Variants in ZBTB38 observed in about 807,000 individuals in gnomAD.
The protein encoded by ZBTB38 is zinc finger and BTB domain-containing protein 38.
Under a neutral mutation model 76.8 loss-of-function variants are expected in ZBTB38, and 20 were observed. That is an observed-to-expected ratio of 0.26 (90% CI 0.18 to 0.38). The LOEUF (loss-of-function observed/expected upper bound fraction) is 0.38. Among genes scored for constraint, ZBTB38 ranks in the 10% least tolerant of loss-of-function variants. The pLI, the probability that ZBTB38 is intolerant of heterozygous loss-of-function variation, is 1.00. For synonymous variants in ZBTB38, 504 were observed against 544.2 expected, an observed-to-expected ratio of 0.93 and a Z score of 1.03; for missense variants, 1,082 against 1,482.3, an observed-to-expected ratio of 0.73 and a Z score of 4.43.
In ZBTB38 at chr3:141,446,026, G is replaced by A. The variant is rs371260887; in HGVS notation, c.*50G>A. On this transcript the variant is annotated 3_prime_UTR_variant, in exon 6 of 6. Transcript: ENST00000321464. Reference sequence around the variant, plus strand: ...AAAAATATAGTTGGTGGTTTTTTTAGTTATGATTTAAGTTTAGTTTCATTT... The same window carrying A: ...AAAAATATAGTTGGTGGTTTTTTTAATTATGATTTAAGTTTAGTTTCATTT... 1 of 1,450,942 alleles carries A rather than the reference G, an allele frequency of 6.9e-7. No individual in the cohort carries two copies. The highest frequency in any genetic ancestry group is 1.4e-5 in the African/African-American group (1 of 70,138). The allele number at this position is 1,450,942 out of a possible 1,614,324, so 89.9% of individuals were successfully genotyped here.
At chr3:141,414,941 A>G (rs532712096) in intron 5 of ZBTB38, among the ~76,000 whole-genome samples, 24 of 151,736 alleles carry the variant, frequency 1.6e-4, no homozygotes, top group Non-Finnish European at 2.4e-4. Flanking sequence ...TCTTTTCTGC[A>G]TATCTTTTAA....
Position 141,442,922 on chromosome 3 carries a change from C to T in ZBTB38, c.534C>T (p.Asn178=). 1 of 1,614,222 alleles carries T rather than the reference C, an allele frequency of 6.2e-7. No homozygotes were observed. The highest frequency in any genetic ancestry group is 1.1e-5 in the South Asian group (1 of 91,090). Residue 178 remains asparagine (N), a synonymous_variant, in exon 6 of 6, where the codon AAC becomes AAT. Coordinates refer to ENST00000321464, the MANE Select transcript of ZBTB38 (RefSeq NM_001376113.1). This position sits in a 1 kb window ranked among gnomAD's most constrained non-coding sequence, Gnocchi z 6.4. The part of the protein sequence containing the change: ...FSIIETENSN[N]MFSPLDLRAS... ...TCATCGAAACAGAAAATAGTAATAA[C>T]ATGTTTTCCCCGCTGGACTTGAGGG...
chr3:141,376,975 A>G (rs1049956096), intron 2 of ZBTB38, among the ~76,000 whole-genome samples: 1 of 152,210 alleles, frequency 6.6e-6, no homozygotes, highest in Non-Finnish European at 1.5e-5. Flanking sequence ...CTATGCTGAT[A>G]ACGATCTAAC....
At chr3:141,391,861 T>C (rs1948975030) in intron 4 of ZBTB38, among the ~76,000 whole-genome samples, 1 of 152,214 alleles carries the variant, frequency 6.6e-6, no homozygotes, top group African/African-American at 2.4e-5. Flanking sequence ...CAGGTTTTGC[T>C]AAAACGCTTC....
intron 4 of ZBTB38, among the ~76,000 whole-genome samples, chr3:141,395,127 C>T (rs1261466740): frequency 6.6e-6 from 1 of 152,154 alleles, no homozygotes. Flanking sequence ...ATTAGCAATT[C>T]GTGAATCAGG....
chr3:141,398,351 A>G lies in ZBTB38; in HGVS notation c.-105-5576A>G, dbSNP rs191829756. On this transcript the variant is annotated intron_variant, in intron 4 of 5. Transcript: ENST00000321464. Reference sequence around the variant, plus strand: ...CCTTTTTTTTTCAAATTATAAAAGTAGTATATCCCTATTATGAGGTAATTT... The same window carrying G: ...CCTTTTTTTTTCAAATTATAAAAGTGGTATATCCCTATTATGAGGTAATTT... 1.8e-4 allele frequency among the ~76,000 whole-genome samples: 27 copies of G among 152,242 alleles called. 1 individual carries two copies. Among genetic ancestry groups the G allele is most frequent in the Admixed American group, 1.8e-3 (27 of 15,294 alleles).
At chr3:141,423,070 G>T (rs2075737583) in intron 5 of ZBTB38, among the ~76,000 whole-genome samples, 1 of 151,982 alleles carries the variant, frequency 6.6e-6, no homozygotes. Context: ...CTTCTTTTGG[G>T]GTCAGCCTGG....
chr3:141,419,676 T>C (rs2074909201), intron 5 of ZBTB38, among the ~76,000 whole-genome samples: 1 of 151,756 alleles, frequency 6.6e-6, no homozygotes, highest in Non-Finnish European at 1.5e-5. Flanking sequence ...AGAAGGAAAA[T>C]AAGGAGGGGT....
chr3:141,446,002 A>G lies in ZBTB38; in HGVS notation c.*26A>G. 1 of 1,526,458 alleles carries G rather than the reference A, an allele frequency of 6.6e-7. No individual in the cohort carries two copies. Among genetic ancestry groups the G allele is most frequent in the Non-Finnish European group, 8.8e-7 (1 of 1,142,550 alleles). The allele number at this position is 1,526,458 out of a possible 1,614,324, so 94.6% of individuals were successfully genotyped here. ...GTGGCAAGAATTAGAAAAATCTTCA[A>G]AAATATAGTTGGTGGTTTTTTTAGT... is the stretch of plus-strand genomic sequence containing the variant. On this transcript the variant is annotated 3_prime_UTR_variant, in exon 6 of 6. Transcript: ENST00000321464.
At chr3:141,326,722 G>C (rs78823519) in intron 1 of ZBTB38, among the ~76,000 whole-genome samples, 3 of 152,102 alleles carry the variant, frequency 2.0e-5, no homozygotes, top group Admixed American at 6.5e-5. Context: ...ACAAAGTGTT[G>C]TTTTTGGAAC....
intron 2 of ZBTB38, among the ~76,000 whole-genome samples, chr3:141,370,421 A>C (rs558142989): frequency 6.6e-6 from 1 of 152,326 alleles, no homozygotes; most frequent in South Asian, 2.1e-4. Flanking sequence ...ACCACAGAGG[A>C]GTCTGGGAAA....
At position 141,408,126 on chromosome 3, in the gene ZBTB38, C is replaced by T. The variant is rs181368713; in HGVS notation, c.-1+4095C>T. Reference sequence around the variant, plus strand: ...CATGCCATTAAAGTATTCTACATGACTCTGTCTTCTGGTGGATAAACATCT... The same window carrying T: ...CATGCCATTAAAGTATTCTACATGATTCTGTCTTCTGGTGGATAAACATCT... On this transcript the variant is annotated intron_variant, in intron 5 of 5. Transcript: ENST00000321464. 5.4e-4 allele frequency among the ~76,000 whole-genome samples: 82 copies of T among 152,362 alleles called. 1 individual carries two copies. Among genetic ancestry groups the T allele is most frequent in the African/African-American group, 1.9e-3 (77 of 41,592 alleles).
chr3:141,412,798 C>T (rs1253667716), intron 5 of ZBTB38, among the ~76,000 whole-genome samples: 1 of 151,826 alleles, frequency 6.6e-6, no homozygotes. Flanking sequence ...CAATTTTTTC[C>T]ACTCGGTTTT....
intron 1 of ZBTB38, among the ~76,000 whole-genome samples, chr3:141,340,105 C>T (rs984195046): frequency 2.6e-5 from 4 of 152,048 alleles, no homozygotes; most frequent in Admixed American, 6.5e-5. Flanking sequence ...TTGGAGTGGA[C>T]GCAAACTTAG....
chr3:141,374,596 GAGA>G (rs1336816776), intron 2 of ZBTB38, among the ~76,000 whole-genome samples: 1 of 151,992 alleles, frequency 6.6e-6, no homozygotes, highest in East Asian at 1.9e-4. Context: ...TTTAAAAAGA[GAGA>G]AGAATATATA....
intron 3 of ZBTB38, among the ~76,000 whole-genome samples, chr3:141,383,328 T>TA (rs1946463729): frequency 6.6e-6 from 1 of 152,222 alleles, no homozygotes; most frequent in Non-Finnish European, 1.5e-5. Flanking sequence ...TAAAAAATCT[T>TA]AAACTTTTTA....
At chr3:141,412,020 T>G (rs1236299198) in intron 5 of ZBTB38, among the ~76,000 whole-genome samples, 2 of 152,156 alleles carry the variant, frequency 1.3e-5, no homozygotes, top group African/African-American at 4.8e-5. Flanking sequence ...GAAAATACTT[T>G]TTGAGGTCTT....
chr3:141,442,279 A>T lies in ZBTB38; in HGVS notation c.1-110A>T, dbSNP rs886525348. 1.3e-6 allele frequency: 1 copy of T among 798,834 alleles called. No homozygotes were observed. The highest frequency in any genetic ancestry group is 2.0e-6 in the Non-Finnish European group (1 of 500,784). 49.5% of individuals were successfully genotyped at this position (798,834 alleles called of 1,614,324 possible). A position where few individuals can be genotyped will look rare whatever the true frequency, so the allele number is the denominator to read the frequency against. On this transcript the variant is annotated intron_variant, in intron 5 of 5. Transcript: ENST00000321464. The surrounding 1 kb of genome is among the most constrained non-coding windows in gnomAD (Gnocchi z 6.4). ...GGAGCATCAACAGAATGAGATAAAA[A>T]CCTGAAGTTTCATACAAAAGAACAG...
intron 5 of ZBTB38, among the ~76,000 whole-genome samples, chr3:141,404,566 A>G (rs1577106429): frequency 6.6e-6 from 1 of 152,156 alleles, no homozygotes; most frequent in Non-Finnish European, 1.5e-5. Flanking sequence ...ACTAAGCTCT[A>G]CCTTGGAGCC....
Sources: gnomAD v4.1 joint callset for allele counts (sites outside exome capture counted in the v4.1 genomes callset) on GRCh38, gnomAD v4.1.1 for gene constraint, Gnocchi (gnomAD v3.1) non-coding constraint, MANE v1.5 for transcripts, NCBI Gene and HGNC (gene_info 2026-07-23, HGNC 2026-07-21) for gene names.